Variants in ZNF91 observed in about 807,000 individuals in gnomAD.
ZNF91 encodes zinc finger protein 91 (HPF7, HTF10).
ZNF91 carries 7 observed loss-of-function variants against 12.6 expected under a neutral mutation model. That is an observed-to-expected ratio of 0.55 (90% confidence interval 0.31 to 1.04). The LOEUF (loss-of-function observed/expected upper bound fraction) is 1.04, where lower values mean the gene tolerates loss of function less well. ZNF91 is among the 50% of genes least tolerant of loss of function. The pLI is 0.05. For synonymous variants in ZNF91, 453 were observed against 462.6 expected (o/e 0.98, Z 0.27); for missense variants, 1,217 against 1,385.4 (o/e 0.88, Z 1.93).
chr19:23,330,646 A>G (rs1264499645), intron 1 of ZNF91, among the ~76,000 whole-genome samples: 1 of 152,086 alleles, frequency 6.6e-6, no homozygotes, highest in Non-Finnish European at 1.5e-5. Flanking sequence ...GATGGACACC[A>G]TGCTTTATTC....
chr19:23,313,129 A>G (rs1967498257), upstream of ZNF91, among the ~76,000 whole-genome samples: 2 of 152,250 alleles, frequency 1.3e-5, no homozygotes, highest in Non-Finnish European at 2.9e-5. Context: ...GTTAACTCAC[A>G]TACTTAGAAA....
At chr19:23,382,530 T>C (rs1362645880) in intron 1 of ZNF91, among the ~76,000 whole-genome samples, 1 of 152,192 alleles carries the variant, frequency 6.6e-6, no homozygotes, top group Non-Finnish European at 1.5e-5. Flanking sequence ...CAAATATTCC[T>C]AATAGGTATC....
intron 1 of ZNF91, chr19:23,326,647 T>C (rs776876107): frequency 2.0e-5 from 3 of 152,204 alleles, no homozygotes; most frequent in African/African-American, 7.2e-5. Flanking sequence ...ATTTCCGATA[T>C]AAAAATGAAA....
At chr19:23,306,991 A>G (rs1599676243) in intron 3 of ZNF91, 1 of 152,140 alleles carries the variant, frequency 6.6e-6, no homozygotes, top group Non-Finnish European at 1.5e-5. Flanking sequence ...GCGTTTTGCC[A>G]TGTTGGCCAG....
chr19:23,334,550 A>G (rs1434226837), downstream of ZNF91, among the ~76,000 whole-genome samples: 1 of 152,242 alleles, frequency 6.6e-6, no homozygotes, highest in African/African-American at 2.4e-5. Context: ...ACATGGTTAA[A>G]TAATAATAGA....
intron 3 of ZNF91, among the ~76,000 whole-genome samples, chr19:23,371,550 A>G (rs565442124): frequency 2.6e-4 from 39 of 152,350 alleles, no homozygotes; most frequent in African/African-American, 8.9e-4. Context: ...ATTATAATAC[A>G]TAAGTAAAAC....
rs377229432 is a variant in ZNF91 at position 23,362,399 on chromosome 19, G to A, written c.580C>T (p.Arg194Cys). ...CATTTATGTTGGGTTTTGTGTAAAC[G>A]GATGCAAAATGACTTGACACATTTT... Reference protein sequence around the residue: ...CKKCVKSFCIRLHKTQHKCVY... With the variant: ...CKKCVKSFCICLHKTQHKCVY... Residue 194 changes from arginine to cysteine, a missense_variant, in exon 4 of 4, where the codon CGT becomes TGT. By Grantham distance (180) the Arg-to-Cys change is radical. This residue lies in a region of ZNF91 where 726 missense variants were observed against 895.5 expected (regional missense o/e 0.81). Coordinates refer to ENST00000300619, the MANE Select transcript of ZNF91 (RefSeq NM_003430.4). The A allele has an allele frequency of 1.9e-5, 31 of 1,613,802 alleles. 1 individual carries two copies. The highest frequency in any genetic ancestry group is 1.1e-4 in the African/African-American group (8 of 74,904).
rs546842265 is a variant in ZNF91, at chr19:23,385,811, G to A, written c.30+9514C>T. On this transcript the variant is annotated intron_variant, in intron 1 of 3. Coordinates refer to ENST00000300619, the MANE Select transcript of ZNF91 (RefSeq NM_003430.4). The stretch of plus-strand genomic sequence containing the variant: ...TCACATTTGAATTTTACGGGTTTTG[G>A]AGATTTTCTTGTAGTTCTTATATAT... Among the ~76,000 whole-genome samples the A allele has an allele frequency of 7.9e-5, 12 of 152,144 alleles. No individual in the cohort carries two copies. In the South Asian group the frequency reaches 1.9e-3, roughly 24 times the overall value.
chr19:23,369,786 T>G (rs919122924), intron 3 of ZNF91, among the ~76,000 whole-genome samples: 3 of 151,326 alleles, frequency 2.0e-5, no homozygotes, highest in African/African-American at 4.9e-5. Flanking sequence ...TGTGCTTTGT[T>G]AAACAGATGC....
Position 23,351,001 on chromosome 19 carries a change from C to T in ZNF91, c.254-11947G>A, listed in dbSNP as rs948049004. Among the ~76,000 whole-genome samples the T allele has an allele frequency of 1.1e-4, 16 of 152,048 alleles. 1 individual carries two copies. Among genetic ancestry groups the T allele is most frequent in the Admixed American group, 3.9e-4 (6 of 15,242 alleles). On this transcript the variant is annotated intron_variant, in intron 3 of 3. Coordinates refer to the ZNF91 transcript ENST00000599743. ...GAACCAATATAAGAGCCTTGCAATCCGCACCTGCCCAAGCTGATCTGTCAA... is the reference window on the plus strand; with the variant it reads ...GAACCAATATAAGAGCCTTGCAATCTGCACCTGCCCAAGCTGATCTGTCAA...
intron 1 of ZNF91, among the ~76,000 whole-genome samples, chr19:23,333,194 T>A (rs542313960): frequency 6.6e-6 from 1 of 152,234 alleles, no homozygotes; most frequent in Non-Finnish European, 1.5e-5. Flanking sequence ...GATTTCAAAC[T>A]GTACACTCAT....
At chr19:23,357,657 T>C (rs1968526653), downstream of ZNF91, 1 of 151,978 alleles carries the variant, frequency 6.6e-6, no homozygotes, top group Non-Finnish European at 1.5e-5. Flanking sequence ...GAAAAATATA[T>C]GAAAAAATTA....
chr19:23,389,203 A>G (rs1473094558), intron 1 of ZNF91, among the ~76,000 whole-genome samples: 3 of 152,152 alleles, frequency 2.0e-5, no homozygotes, highest in Admixed American at 2.0e-4. Flanking sequence ...CTCCAGGTAG[A>G]AAGACTGGTT....
At chr19:23,387,961 AAAGGCC>A (rs1227819235) in intron 1 of ZNF91, among the ~76,000 whole-genome samples, 1 of 143,106 alleles carries the variant, frequency 7.0e-6, no homozygotes, top group Non-Finnish European at 1.5e-5. Flanking sequence ...AAAAAAAAAA[AAAGGCC>A]AGGCACAGTG....
chr19:23,316,884 C>T (rs1193870447), intron 1 of ZNF91, among the ~76,000 whole-genome samples: 14 of 152,152 alleles, frequency 9.2e-5, no homozygotes. Context: ...ACACTACCAT[C>T]CATTGGGATT....
chr19:23,375,031 TAAC>T (rs1312729790), intron 1 of ZNF91, among the ~76,000 whole-genome samples: 1 of 152,200 alleles, frequency 6.6e-6, no homozygotes, highest in Non-Finnish European at 1.5e-5. Context: ...GCATAAATAT[TAAC>T]AAGTACATTT....
Position 23,388,667 on chromosome 19 carries a change from T to G in ZNF91, c.30+6658A>C, listed in dbSNP as rs563837687. Among the ~76,000 whole-genome samples the G allele has an allele frequency of 3.3e-5, 5 of 151,868 alleles. No homozygotes were observed. In the South Asian group the frequency reaches 1.0e-3, roughly 32 times the overall value. The stretch of plus-strand genomic sequence containing the variant: ...CAGGCAAATCACCTGAGGTCAGGAG[T>G]TGGAGACCAGCCTGGCCATTATGGT... On this transcript the variant is annotated intron_variant, in intron 1 of 3. Transcript: ENST00000300619.
At chr19:23,366,326 T>C (rs1213166948) in intron 3 of ZNF91, among the ~76,000 whole-genome samples, 2 of 152,234 alleles carry the variant, frequency 1.3e-5, no homozygotes, top group Non-Finnish European at 2.9e-5. Context: ...ATAATGATGA[T>C]GCTTAAAATC....
upstream of ZNF91, among the ~76,000 whole-genome samples, chr19:23,311,372 G>T (rs924322674): frequency 6.6e-6 from 1 of 151,862 alleles, no homozygotes; most frequent in Non-Finnish European, 1.5e-5. Context: ...CTACTTTCTC[G>T]CATAAGTCCT....
Sources: allele counts gnomAD v4.1 joint callset (sites outside exome capture counted in the v4.1 genomes callset), GRCh38; gene constraint gnomAD v4.1.1; regional missense constraint gnomAD v4.1.1; transcripts MANE v1.5; gene names NCBI Gene and HGNC (gene_info 2026-07-23, HGNC 2026-07-21).